Variants in APAF1 observed in about 807,000 individuals in gnomAD.
APAF1 encodes the protein apoptotic peptidase activating factor 1.
In APAF1, 91 loss-of-function variants were observed where a neutral mutation model predicts 152.4. That is an observed-to-expected ratio of 0.60 (90% CI 0.50 to 0.71). The LOEUF is 0.71. APAF1 is among the 30% of genes least tolerant of loss of function. The probability of loss-of-function intolerance (pLI) is 0.00; values close to 1 mark genes in which losing one functional copy is unlikely to be tolerated. For missense variants in APAF1, 1,283 were observed against 1,472.0 expected, an observed-to-expected ratio of 0.87 and a Z score of 2.10; for synonymous variants, 484 against 494.1, an observed-to-expected ratio of 0.98 and a Z score of 0.27.
Position 98,667,626 on chromosome 12 carries a change from C to T in APAF1, c.1476C>T (p.Ala492=), listed in dbSNP as rs1263444142. Reference sequence around the variant, plus strand: ...ACAACTTTCTGGCCTATCACATGGCCAGTGCCAAGATGCACAAGGTAAGAT... The same window carrying T: ...ACAACTTTCTGGCCTATCACATGGCTAGTGCCAAGATGCACAAGGTAAGAT... ...YWYNFLAYHM[A]SAKMHKELCA... is the part of the protein sequence containing the mutation. The change falls in exon 10 of 27, where the codon GCC becomes GCT. Residue 492 remains alanine (A), a synonymous_variant. Transcript: ENST00000551964. The T allele has an allele frequency of 1.9e-6, 3 of 1,613,824 alleles. No individual in the cohort carries two copies. The South Asian group carries it at 3.3e-5, about 18-fold the overall frequency.
intron 17 of APAF1, among the ~76,000 whole-genome samples, chr12:98,702,491 C>T (rs2097716602): frequency 6.6e-6 from 1 of 151,920 alleles, no homozygotes; most frequent in Non-Finnish European, 1.5e-5. Context: ...TTGGCAAAAA[C>T]TTTGGAAGAG....
chr12:98,699,626 T>C, intron 17 of APAF1, 57 bp downstream of exon 17: 3 of 1,591,124 alleles, frequency 1.9e-6, no homozygotes, highest in Non-Finnish European at 2.6e-6. Flanking sequence ...AAACTTCTGT[T>C]CATTTTTGCA....
At chr12:98,706,322 C>G (rs1197180209) in intron 18 of APAF1, among the ~76,000 whole-genome samples, 163 bp from the exon 19 acceptor site, 1 of 152,134 alleles carries the variant, frequency 6.6e-6, no homozygotes, top group Non-Finnish European at 1.5e-5. Flanking sequence ...TAATGATGCA[C>G]TAAATAATCT....
At chr12:98,720,253 A>C (rs1360220096) in intron 22 of APAF1, among the ~76,000 whole-genome samples, 1 of 152,232 alleles carries the variant, frequency 6.6e-6, no homozygotes, top group Non-Finnish European at 1.5e-5. Flanking sequence ...GAGTTAGATT[A>C]TATTTAGAAA....
At position 98,706,890 on chromosome 12, in the gene APAF1, T is replaced by G. The variant is rs923283070; in HGVS notation, c.2721+280T>G. Reference sequence around the variant, plus strand: ...ACTGCATTTGATTCCTCAGAAAAATTTTTGACCCTTTTCTTTACCTTGAAT... The same window carrying G: ...ACTGCATTTGATTCCTCAGAAAAATGTTTGACCCTTTTCTTTACCTTGAAT... On this transcript the variant is annotated intron_variant, in intron 19 of 26. Coordinates refer to ENST00000551964, the MANE Select transcript of APAF1 (RefSeq NM_181861.2). Among the ~76,000 whole-genome samples the G allele has an allele frequency of 5.5e-4, 84 of 152,292 alleles. 1 individual carries two copies. Among genetic ancestry groups the G allele is most frequent in the Admixed American group, 3.9e-4 (6 of 15,286 alleles).
At chr12:98,651,598 C>T (rs570275439) in intron 4 of APAF1, among the ~76,000 whole-genome samples, 48 of 152,210 alleles carry the variant, frequency 3.2e-4, no homozygotes, top group African/African-American at 1.1e-3. Flanking sequence ...GGTTGAACTT[C>T]TATGTGAGTA....
chr12:98,654,835 T>TTA (rs1565856303), intron 4 of APAF1, among the ~76,000 whole-genome samples: 3 of 127,892 alleles, frequency 2.3e-5, no homozygotes, highest in Admixed American at 1.6e-4. Context: ...TTTTTTTTTT[T>TTA]AATTTATTTT....
At chr12:98,681,978 C>A (rs1046540122) in intron 14 of APAF1, among the ~76,000 whole-genome samples, 1 of 149,044 alleles carries the variant, frequency 6.7e-6, no homozygotes, top group African/African-American at 2.5e-5. Flanking sequence ...TAATTTATTT[C>A]TTTTGTTTGT....
intron 21 of APAF1, chr12:98,712,773 C>T (rs2097729444): frequency 3.6e-6 from 1 of 274,976 alleles, no homozygotes. Context: ...CTCAGCCTCC[C>T]AAAGTGTGGG....
Position 98,706,570 on chromosome 12 carries a change from G to C in APAF1, c.2681G>C (p.Gly894Ala). 1 of 1,613,998 alleles carries C rather than the reference G, an allele frequency of 6.2e-7. No homozygotes were observed. The highest frequency in any genetic ancestry group is 8.5e-7 in the Non-Finnish European group (1 of 1,179,906). ...WVHGVMFSPDGSSFLTSSDDQ... is the reference protein window; with the variant it reads ...WVHGVMFSPDASSFLTSSDDQ... Reference sequence around the variant, plus strand: ...CATGGTGTGATGTTTTCTCCTGATGGATCATCATTTTTGACATCTTCTGAT... The same window carrying C: ...CATGGTGTGATGTTTTCTCCTGATGCATCATCATTTTTGACATCTTCTGAT... The change falls in exon 19 of 27, where the codon GGA becomes GCA. Residue 894 changes from glycine (G) to alanine (A), a missense_variant. Gly to Ala is a moderately conservative substitution (Grantham distance 60). Transcript: ENST00000551964.
At position 98,670,902 on chromosome 12, in the gene APAF1, G is replaced by A. The variant is rs2097679298; in HGVS notation, c.1495-71G>A. On this transcript the variant is annotated intron_variant, in intron 10 of 26. Coordinates refer to ENST00000551964, the MANE Select transcript of APAF1 (RefSeq NM_181861.2). ...TTACTGTTTCTCTTAGCAGTGTGAG[G>A]TTAATGATGTTATACCTAAAATTTT... 28 of 843,054 alleles carry A rather than the reference G, an allele frequency of 3.3e-5. No individual in the cohort carries two copies. In the South Asian group the frequency reaches 3.8e-4, roughly 11 times the overall value. The allele number at this position is 843,054 out of a possible 1,614,324, so 52.2% of individuals were successfully genotyped here. A position where few individuals can be genotyped will look rare whatever the true frequency, so the allele number is the denominator to read the frequency against.
At position 98,648,683 on chromosome 12, in the gene APAF1, G is replaced by A; in HGVS notation, c.196G>A (p.Asp66Asn). ...LIKMILKKDN[D>N]SYVSFYNALL... ...TAAAATGATACTTAAAAAAGATAAT[G>A]ATTCCTACGTATCATTCTACAATGC... The change falls in exon 3 of 27, where the codon GAT becomes AAT. Residue 66 changes from aspartate (D) to asparagine (N), a missense_variant. Transcript: ENST00000551964. 6.2e-7 allele frequency: 1 copy of A among 1,613,836 alleles called. No homozygotes were observed. The highest frequency in any genetic ancestry group is 8.5e-7 in the Non-Finnish European group (1 of 1,179,886).
intron 16 of APAF1, among the ~76,000 whole-genome samples, chr12:98,698,018 A>G (rs1033725561): frequency 6.6e-6 from 1 of 152,218 alleles, no homozygotes; most frequent in African/African-American, 2.4e-5. Flanking sequence ...CTTGCTCAGA[A>G]TGAAATGCTG....
chr12:98,659,108 A>T, intron 4 of APAF1, 52 bp from the exon 5 acceptor site: 1 of 1,537,138 alleles, frequency 6.5e-7, no homozygotes, highest in Non-Finnish European at 9.0e-7. Context: ...AAACCATTTA[A>T]AGGAGTACTC....
chr12:98,730,864 A>G (rs1280855699), intron 26 of APAF1, among the ~76,000 whole-genome samples: 1 of 152,264 alleles, frequency 6.6e-6, no homozygotes, highest in Non-Finnish European at 1.5e-5. Flanking sequence ...CTTAACTTCC[A>G]AATTATTCCT....
intron 26 of APAF1, among the ~76,000 whole-genome samples, chr12:98,730,285 G>A (rs1373847791): frequency 6.6e-6 from 1 of 152,170 alleles, no homozygotes; most frequent in Non-Finnish European, 1.5e-5. Context: ...CTGCTCTGGG[G>A]ATGATGCTTA....
In APAF1 at chr12:98,732,576, G is replaced by A; in HGVS notation, c.*10G>A. ...ACAGACTTTAGAATAAAATAGTTAA[G>A]CATTAATGTAGTTGAACTTTTTAAA... On this transcript the variant is annotated 3_prime_UTR_variant, in exon 27 of 27. Coordinates refer to ENST00000551964, the MANE Select transcript of APAF1 (RefSeq NM_181861.2). The A allele has an allele frequency of 1.3e-6, 2 of 1,529,232 alleles. No individual in the cohort carries two copies. The highest frequency in any genetic ancestry group is 1.8e-6 in the Non-Finnish European group (2 of 1,108,948). The allele number at this position is 1,529,232 out of a possible 1,614,324, so 94.7% of individuals were successfully genotyped here.
At chr12:98,683,325 A>G in intron 15 of APAF1, 51 bp downstream of exon 15, 1 of 1,575,598 alleles carries the variant, frequency 6.3e-7, no homozygotes, top group Non-Finnish European at 8.7e-7. Flanking sequence ...CGTACATCAG[A>G]GTATCTCCTT....
intron 16 of APAF1, among the ~76,000 whole-genome samples, chr12:98,695,451 A>G (rs1442717801): frequency 5.3e-5 from 8 of 151,268 alleles, no homozygotes; most frequent in Non-Finnish European, 8.8e-5. Flanking sequence ...TGCAGCCTCA[A>G]CCTCCTAGGC....
Sources: gnomAD v4.1 joint callset for allele counts (sites outside exome capture counted in the v4.1 genomes callset) on GRCh38, gnomAD v4.1.1 for gene constraint, MANE v1.5 for transcripts, NCBI Gene and HGNC (gene_info 2026-07-23, HGNC 2026-07-21) for gene names.